USP34: variants seen among roughly 807,000 people sequenced by gnomAD.
USP34 encodes the protein ubiquitin specific peptidase 34.
A neutral mutation model predicts 460.3 loss-of-function variants in USP34; 70 were observed. That is an observed-to-expected ratio of 0.15 (90% CI 0.13 to 0.19). The LOEUF (loss-of-function observed/expected upper bound fraction) is 0.19. Ranked by LOEUF, USP34 falls within the 10% of genes least tolerant of loss-of-function variation. The pLI, the probability that USP34 is intolerant of heterozygous loss-of-function variation, is 1.00. For missense variants in USP34, 3,985 were observed against 4,236.2 expected (o/e 0.94, Z 1.65); for synonymous variants, 1,647 against 1,405.3 (o/e 1.17, Z -3.85).
chr2:61,360,427 A>G (rs1466472048), intron 10 of USP34, among the ~76,000 whole-genome samples: 3 of 152,198 alleles, frequency 2.0e-5, no homozygotes, highest in African/African-American at 4.8e-5. Flanking sequence ...GCAATTAAGA[A>G]AACAGTCCCG....
chr2:61,437,469 G>C (rs1384304051), intron 1 of USP34, among the ~76,000 whole-genome samples: 3 of 152,036 alleles, frequency 2.0e-5, no homozygotes, highest in Non-Finnish European at 2.9e-5. Context: ...TACTAAGATT[G>C]AACCAATAAG....
chr2:61,334,289 A>G (rs1025203108), intron 18 of USP34, among the ~76,000 whole-genome samples: 22 of 152,152 alleles, frequency 1.4e-4, no homozygotes, highest in African/African-American at 5.3e-4. Flanking sequence ...ATTTTCTCCT[A>G]AATTCTCAAT....
At chr2:61,252,711 AAC>A (rs1455759071) in intron 48 of USP34, among the ~76,000 whole-genome samples, 1 of 152,238 alleles carries the variant, frequency 6.6e-6, no homozygotes, top group Admixed American at 6.5e-5. Context: ...AATGAAGTAT[AAC>A]AGAGTCAAAT....
chr2:61,283,692 C>T (rs1301534451), intron 35 of USP34, among the ~76,000 whole-genome samples: 1 of 152,058 alleles, frequency 6.6e-6, no homozygotes, highest in East Asian at 1.9e-4. Flanking sequence ...TCATGGCTCA[C>T]TGCAGCCTTG....
chr2:61,386,785 T>A (rs559360584), intron 5 of USP34, among the ~76,000 whole-genome samples: 2 of 152,222 alleles, frequency 1.3e-5, no homozygotes, highest in African/African-American at 4.8e-5. Context: ...CGAGACTCCA[T>A]CTAAAAAGAA....
chr2:61,237,554 ATTTTTTT>A (rs71403400), intron 53 of USP34, among the ~76,000 whole-genome samples: 1,007 of 45,126 alleles, frequency 0.022, 27 homozygotes, highest in African/African-American at 0.085. Context: ...TTTTCTGTGG[ATTTTTTT>A]TTTTTTTTTT....
At chr2:61,451,076 C>G (rs1461897352) in intron 1 of USP34, among the ~76,000 whole-genome samples, 1 of 151,140 alleles carries the variant, frequency 6.6e-6, no homozygotes. Context: ...AAAAAATTGG[C>G]TGGGCATGGT....
intron 67 of USP34, among the ~76,000 whole-genome samples, chr2:61,219,119 T>A (rs997241689): frequency 1.3e-5 from 2 of 152,220 alleles, no homozygotes; most frequent in South Asian, 4.1e-4. Context: ...CTCATGAATA[T>A]TTATTTTATC....
chr2:61,336,403 C>G (rs543736107), intron 18 of USP34, among the ~76,000 whole-genome samples: 11 of 151,846 alleles, frequency 7.2e-5, no homozygotes, highest in African/African-American at 2.7e-4. Context: ...TGGACTTACA[C>G]GCGTGAGACA....
intron 69 of USP34, among the ~76,000 whole-genome samples, chr2:61,210,764 T>G (rs1687252504): frequency 6.6e-6 from 1 of 152,062 alleles, no homozygotes; most frequent in Non-Finnish European, 1.5e-5. Context: ...CAGGCTGGAG[T>G]ACAATGGCAC....
At chr2:61,251,157 A>G (rs180932419) in intron 48 of USP34, among the ~76,000 whole-genome samples, 188 of 152,242 alleles carry the variant, frequency 1.2e-3, no homozygotes, top group African/African-American at 4.4e-3. Context: ...AAATAAATAA[A>G]TAAGTAAATA....
At chr2:61,431,561 G>A (rs577473865) in intron 1 of USP34, among the ~76,000 whole-genome samples, 3 of 152,238 alleles carry the variant, frequency 2.0e-5, no homozygotes, top group African/African-American at 7.2e-5. Flanking sequence ...TGACATTTTA[G>A]CTAGCAGAGG....
intron 41 of USP34, among the ~76,000 whole-genome samples, chr2:61,271,631 G>C (rs1250969307): frequency 2.0e-5 from 3 of 152,002 alleles, no homozygotes; most frequent in African/African-American, 7.2e-5. Flanking sequence ...GGAGGAGAAA[G>C]AAAGGAAGAA....
chr2:61,469,845 T>C (rs1011510422), intron 1 of USP34, among the ~76,000 whole-genome samples: 2 of 152,144 alleles, frequency 1.3e-5, no homozygotes, highest in African/African-American at 4.8e-5. Context: ...TGAAATACCA[T>C]CTTGCAAGGG....
intron 21 of USP34, among the ~76,000 whole-genome samples, chr2:61,319,639 G>C (rs1253992320): frequency 6.6e-6 from 1 of 151,502 alleles, no homozygotes; most frequent in Non-Finnish European, 1.5e-5. Flanking sequence ...GAGCTTGGGA[G>C]ATCCAGACCA....
At chr2:61,360,876 C>G (rs1383593101) in intron 10 of USP34, among the ~76,000 whole-genome samples, 1 of 152,142 alleles carries the variant, frequency 6.6e-6, no homozygotes, top group Non-Finnish European at 1.5e-5. Flanking sequence ...AGGCTAGTCT[C>G]GAACTTCTGA....
chr2:61,271,912 TG>T (rs1220237068), intron 41 of USP34, among the ~76,000 whole-genome samples: 3 of 152,248 alleles, frequency 2.0e-5, no homozygotes, highest in Admixed American at 6.5e-5. Flanking sequence ...TTAAATATCT[TG>T]GAGTTAAGGC....
chr2:61,388,456 TAAA>T (rs34286687), intron 5 of USP34, among the ~76,000 whole-genome samples: 3 of 129,586 alleles, frequency 2.3e-5, no homozygotes, highest in Admixed American at 7.8e-5. Context: ...CAGGGGAGTT[TAAA>T]AAAAAAAAAA....
chr2:61,283,911 C>G (rs1241631963), intron 35 of USP34, among the ~76,000 whole-genome samples: 5 of 131,494 alleles, frequency 3.8e-5, no homozygotes, highest in Non-Finnish European at 7.7e-5. Context: ...TAATGGTTAC[C>G]AGAGGCTGGA....
Sources: allele counts gnomAD v4.1 joint callset (sites outside exome capture counted in the v4.1 genomes callset), GRCh38; gene constraint gnomAD v4.1.1; transcripts MANE v1.5; gene names NCBI Gene and HGNC (gene_info 2026-07-23, HGNC 2026-07-21).